The following MFGE8 variants were observed in gnomAD, a reference collection of about 807,000 sequenced individuals.
The protein encoded by MFGE8 is milk fat globule EGF and factor V/VIII domain containing.
A neutral mutation model predicts 42.6 loss-of-function variants in MFGE8; 34 were observed. That is an observed-to-expected ratio of 0.80 (90% CI 0.61 to 1.06). The LOEUF is 1.06. MFGE8 is among the 50% of genes least tolerant of loss of function. The pLI, the probability that MFGE8 is intolerant of heterozygous loss-of-function variation, is 0.00. For synonymous variants in MFGE8, 230 were observed against 214.8 expected, an observed-to-expected ratio of 1.07 and a Z score of -0.62; for missense variants, 510 against 516.9, an observed-to-expected ratio of 0.99 and a Z score of 0.13.
chr15:88,911,562 A>C (rs1898956407), intron 1 of MFGE8, among the ~76,000 whole-genome samples: 1 of 151,960 alleles, frequency 6.6e-6, no homozygotes, highest in Non-Finnish European at 1.5e-5. Flanking sequence ...CTCTACTAAA[A>C]ATACAAAAAA....
chr15:88,899,645 C>G lies in MFGE8; in HGVS notation c.1026+11G>C. ...GAATGGCAAAGGGTGGGCAGCTGGA[C>G]AGACACCCACCTTACTGCTGCCAGT... On this transcript the variant is annotated intron_variant, in intron 7 of 7. Transcript: ENST00000268150. This position sits in a 1 kb window ranked among gnomAD's most constrained non-coding sequence, Gnocchi z 6.8. 1.9e-6 allele frequency: 3 copies of G among 1,614,142 alleles called. No individual in the cohort carries two copies. The highest frequency in any genetic ancestry group is 1.7e-6 in the Non-Finnish European group (2 of 1,179,994).
intron 6 of MFGE8, 39 bp downstream of exon 6, chr15:88,901,512 A>ACCCCACCCCCCCC: frequency 3.0e-6 from 2 of 667,132 alleles, no homozygotes; most frequent in Non-Finnish European, 2.7e-6. Context: ...ACCTCATCCC[A>ACCCCACCCCCCCC]CCCAACCCCA....
chr15:88,905,769 A>G lies in MFGE8; in HGVS notation c.673T>C (p.Cys225Arg), dbSNP rs1898641677. 3 of 1,614,060 alleles carry G rather than the reference A, an allele frequency of 1.9e-6. No homozygotes were observed. The highest frequency in any genetic ancestry group is 1.3e-5 in the African/African-American group (1 of 74,924). Residue 225 changes from cysteine to arginine, a missense_variant, in exon 5 of 8, where the codon TGT (cysteine) becomes CGT (arginine). Coordinates refer to ENST00000268150, the MANE Select transcript of MFGE8 (RefSeq NM_005928.4). This position sits in a 1 kb window ranked among gnomAD's most constrained non-coding sequence, Gnocchi z 6.6. Reference protein sequence around the residue: ...ACTLRFELLGCELNGCANPLG... With the variant: ...ACTLRFELLGRELNGCANPLG... The stretch of plus-strand genomic sequence containing the variant: ...CCCCAGCACTCACCGTTCAGCTCAC[A>G]GCCCAGTAGCTCAAAGCGCAGAGTG...
At position 88,905,787 on chromosome 15, in the gene MFGE8, G is replaced by T. The variant is rs200993989; in HGVS notation, c.655C>A (p.Arg219Ser). The T allele has an allele frequency of 6.2e-7, 1 of 1,614,178 alleles. No homozygotes were observed. Among genetic ancestry groups the T allele is most frequent in the East Asian group, 2.2e-5 (1 of 44,872 alleles). Residue 219 changes from arginine (R) to serine (S), a missense_variant, in exon 5 of 8, where the codon CGC (arginine) becomes AGC (serine). Transcript: ENST00000268150. This position sits in a 1 kb window ranked among gnomAD's most constrained non-coding sequence, Gnocchi z 6.6. ...PTSCHTACTL[R>S]FELLGCELNG... ...AGCTCACAGCCCAGTAGCTCAAAGC[G>T]CAGAGTGCAGGCCGTGTGGCAGCTC...
intron 1 of MFGE8, chr15:88,912,771 A>G (rs1899027608): frequency 4.1e-6 from 4 of 985,370 alleles, no homozygotes; most frequent in Non-Finnish European, 4.8e-6. Context: ...GTGACCAGGC[A>G]CGGACAATTG....
At chr15:88,912,561 G>T in intron 1 of MFGE8, 1 of 985,428 alleles carries the variant, frequency 1.0e-6, no homozygotes, top group South Asian at 4.7e-5. Flanking sequence ...AAGGGGCCCA[G>T]CTGGCCTCCG....
At chr15:88,911,594 G>T (rs1340827717) in intron 1 of MFGE8, among the ~76,000 whole-genome samples, 1 of 152,152 alleles carries the variant, frequency 6.6e-6, no homozygotes, top group African/African-American at 2.4e-5. Context: ...GGGCGTGGTG[G>T]CAGGTGCCTG....
At chr15:88,907,712 C>CT (rs973939844) in intron 2 of MFGE8, among the ~76,000 whole-genome samples, 4 of 151,034 alleles carry the variant, frequency 2.6e-5, no homozygotes, top group African/African-American at 7.3e-5. Flanking sequence ...AGAGTCCCCC[C>CT]CGCCAGGCTG....
rs562936470 is a variant in MFGE8 at position 88,905,420 on chromosome 15, C to T, written c.685+337G>A. ...CAAACAAAACAGACAGATTCTCTGC[C>T]CTCGTAAAGCTGACATCTGCCAAAC... On this transcript the variant is annotated intron_variant, in intron 5 of 7. Transcript: ENST00000268150. The surrounding 1 kb of genome is among the most constrained non-coding windows in gnomAD (Gnocchi z 6.6). 43 of 509,894 alleles carry T rather than the reference C, an allele frequency of 8.4e-5. No individual in the cohort carries two copies. Among genetic ancestry groups the T allele is most frequent in the African/African-American group, 8.0e-4 (42 of 52,302 alleles). The allele number at this position is 509,894 out of a possible 1,614,324, so 31.6% of individuals were successfully genotyped here.
Position 88,906,154 on chromosome 15 carries a change from G to A in MFGE8, c.541-253C>T. 1 of 565,344 alleles carries A rather than the reference G, an allele frequency of 1.8e-6. No homozygotes were observed. The highest frequency in any genetic ancestry group is 2.0e-5 in the South Asian group (1 of 49,856). The allele number at this position is 565,344 out of a possible 1,614,324, so 35.0% of individuals were successfully genotyped here. ...CATAAACCCCTATAGCTGACACAGGGCCACCTGTAACCTACAGGGTACCTC... is the reference window on the plus strand; with the variant it reads ...CATAAACCCCTATAGCTGACACAGGACCACCTGTAACCTACAGGGTACCTC... On this transcript the variant is annotated intron_variant, in intron 4 of 7. Coordinates refer to ENST00000268150, the MANE Select transcript of MFGE8 (RefSeq NM_005928.4). This position sits in a 1 kb window ranked among gnomAD's most constrained non-coding sequence, Gnocchi z 4.2.
intron 5 of MFGE8, 76 bp from the exon 6 acceptor site, chr15:88,901,811 G>C (rs1898450042): frequency 1.4e-6 from 2 of 1,432,904 alleles, no homozygotes; most frequent in Middle Eastern, 1.8e-4. Context: ...CGATGAAGCA[G>C]AAAGAACTCT....
intron 6 of MFGE8, 28 bp downstream of exon 6, chr15:88,901,517 ACCCCAG>A: frequency 2.8e-6 from 3 of 1,072,558 alleles, no homozygotes; most frequent in Non-Finnish European, 4.2e-6. Context: ...ATCCCACCCA[ACCCCAG>A]CCCCATATCC....
rs372394224 is a variant in MFGE8, at chr15:88,901,673, T to A, written c.748A>T (p.Ser250Cys). The change falls in exon 6 of 8, where the codon AGC becomes TGC. Residue 250 changes from serine (S) to cysteine (C), a missense_variant. Ser to Cys is a moderately radical substitution (Grantham distance 112). Transcript: ENST00000268150. ...TGCAAGCCCCAGGTCTTGTAGCTGCTGGAGGCCGTGATCTGCTTGTCAGGG... is the reference window on the plus strand; with the variant it reads ...TGCAAGCCCCAGGTCTTGTAGCTGCAGGAGGCCGTGATCTGCTTGTCAGGG... ...SIPDKQITAS[S>C]SYKTWGLHLF... 19 of 1,613,798 alleles carry A rather than the reference T, an allele frequency of 1.2e-5. No homozygotes were observed. In the African/African-American group the frequency reaches 1.7e-4, roughly 15 times the overall value.
rs906925597 is a variant in MFGE8, at chr15:88,903,974, T to A, written c.685+1783A>T. 2.0e-5 allele frequency: 3 copies of A among 152,298 alleles called. No individual in the cohort carries two copies. Among genetic ancestry groups the A allele is most frequent in the African/African-American group, 7.2e-5 (3 of 41,442 alleles). The allele number at this position is 152,298 out of a possible 1,614,324, so 9.4% of individuals were successfully genotyped here. ...TGCAGTGCTCTTTTTGCAGTGCTGT[T>A]TTTAAGTTTTTCATGTGGCTGGCTC... On this transcript the variant is annotated intron_variant, in intron 5 of 7. Transcript: ENST00000268150. The surrounding 1 kb of genome is among the most constrained non-coding windows in gnomAD (Gnocchi z 4.9).
Position 88,901,700 on chromosome 15 carries a change from T to C in MFGE8, c.721A>G (p.Ile241Val). The change falls in exon 6 of 8, where the codon ATC (isoleucine) becomes GTC (valine). Residue 241 changes from isoleucine to valine, a missense_variant. Physicochemically the swap from Ile to Val is conservative, Grantham distance 29. Coordinates refer to ENST00000268150, the MANE Select transcript of MFGE8 (RefSeq NM_005928.4). ...ANPLGLKNNS[I>V]PDKQITASSS... ...GAGGCCGTGATCTGCTTGTCAGGGA[T>C]GCTGTTATTCTTCAGGCCCAGGGGA... 6.2e-7 allele frequency: 1 copy of C among 1,613,792 alleles called. No homozygotes were observed. The highest frequency in any genetic ancestry group is 8.5e-7 in the Non-Finnish European group (1 of 1,179,980).
intron 3 of MFGE8, 134 bp downstream of exon 3, chr15:88,907,061 A>T: frequency 2.6e-6 from 3 of 1,174,170 alleles, no homozygotes; most frequent in Non-Finnish European, 3.7e-6. Flanking sequence ...ACTTACAGAT[A>T]CTTCATCCAT....
chr15:88,911,243 CAG>C (rs1231481523), intron 1 of MFGE8: 3 of 152,338 alleles, frequency 2.0e-5, no homozygotes, highest in Non-Finnish European at 4.4e-5. Context: ...ACCTGGATGA[CAG>C]ATGTACACTA....
intron 6 of MFGE8, 43 bp downstream of exon 6, chr15:88,901,508 T>TTCCCCCCCCCCCCCC: frequency 1.1e-6 from 1 of 924,210 alleles, no homozygotes; most frequent in Non-Finnish European, 1.7e-6. Flanking sequence ...TCCCACCTCA[T>TTCCCCCCCCCCCCCC]CCCACCCAAC....
In MFGE8 at chr15:88,902,152, C is replaced by T; in HGVS notation, c.686-417G>A. Reference sequence around the variant, plus strand: ...GCACTGCCCCCATCGCCTCGGCCTCCCATCCGTCCCATGGCACAGTCACTA... The same window carrying T: ...GCACTGCCCCCATCGCCTCGGCCTCTCATCCGTCCCATGGCACAGTCACTA... On this transcript the variant is annotated intron_variant, in intron 5 of 7. Coordinates refer to ENST00000268150, the MANE Select transcript of MFGE8 (RefSeq NM_005928.4). The surrounding 1 kb of genome is among the most constrained non-coding windows in gnomAD (Gnocchi z 4.3). 4.2e-6 allele frequency: 1 copy of T among 235,988 alleles called. No individual in the cohort carries two copies. Among genetic ancestry groups the T allele is most frequent in the Non-Finnish European group, 8.6e-6 (1 of 116,834 alleles). The allele number at this position is 235,988 out of a possible 1,614,324, so 14.6% of individuals were successfully genotyped here.
Sources: gnomAD v4.1 joint callset for allele counts (sites outside exome capture counted in the v4.1 genomes callset) on GRCh38, gnomAD v4.1.1 for gene constraint, Gnocchi (gnomAD v3.1) non-coding constraint, MANE v1.5 for transcripts, NCBI Gene and HGNC (gene_info 2026-07-23, HGNC 2026-07-21) for gene names.